VASH2: variants seen among roughly 807,000 people sequenced by gnomAD.
VASH2 encodes the protein tubulinyl-Tyr carboxypeptidase 2.
VASH2 carries 28 observed loss-of-function variants against 37.2 expected under a neutral mutation model. That is an observed-to-expected ratio of 0.75 (90% CI 0.56 to 1.03). The LOEUF (loss-of-function observed/expected upper bound fraction) is 1.03, where lower values mean the gene tolerates loss of function less well. VASH2 is among the 50% of genes least tolerant of loss of function. The pLI, the probability that VASH2 is intolerant of heterozygous loss-of-function variation, is 0.00. For missense variants in VASH2, 419 were observed against 459.1 expected (o/e 0.91, Z 0.80); for synonymous variants, 188 against 174.7 (o/e 1.08, Z -0.60).
chr1:212,977,014 C>T lies in VASH2; in HGVS notation c.995+2944C>T, dbSNP rs74386315. Among the ~76,000 whole-genome samples, 1,180 of 151,168 alleles carry T rather than the reference C, an allele frequency of 7.8e-3. 35 individuals are homozygous for T. Among genetic ancestry groups the T allele is most frequent in the East Asian group, 0.057 (291 of 5,118 alleles). ...CTTTTCAAAAACGATGAGAAGTGGCCGCAACAAGGTGAGGAGGGGTGGGTT... is the reference window on the plus strand; with the variant it reads ...CTTTTCAAAAACGATGAGAAGTGGCTGCAACAAGGTGAGGAGGGGTGGGTT... On this transcript the variant is annotated intron_variant, in intron 7 of 7. Coordinates refer to ENST00000517399, the MANE Select transcript of VASH2 (RefSeq NM_001301056.2).
chr1:212,960,682 G>A (rs905617571), intron 2 of VASH2, among the ~76,000 whole-genome samples: 4 of 152,134 alleles, frequency 2.6e-5, no homozygotes, highest in Non-Finnish European at 5.9e-5. Flanking sequence ...GAGCCATGGC[G>A]CCCGGCATCC....
intron 7 of VASH2, among the ~76,000 whole-genome samples, chr1:212,986,662 T>C (rs181984422): frequency 4.6e-5 from 7 of 152,242 alleles, no homozygotes; most frequent in Admixed American, 4.6e-4. Context: ...TTTAAGGGAA[T>C]AGCTAATCTC....
chr1:212,962,587 T>TC (rs955827345), intron 3 of VASH2, among the ~76,000 whole-genome samples: 1 of 152,168 alleles, frequency 6.6e-6, no homozygotes, highest in African/African-American at 2.4e-5. Flanking sequence ...CACTAGCACC[T>TC]CCCCCACAGG....
intron 7 of VASH2, 118 bp downstream of exon 7, chr1:212,974,188 C>G (rs577655651): frequency 7.8e-7 from 1 of 1,281,608 alleles, no homozygotes; most frequent in African/African-American, 1.5e-5. Flanking sequence ...ACAGCAATCT[C>G]CAAGAGGACT....
intron 5 of VASH2, chr1:212,967,175 C>T: frequency 7.7e-7 from 1 of 1,304,350 alleles, no homozygotes; most frequent in South Asian, 1.2e-5. Context: ...TTTCACCAGA[C>T]TCCCGGCTCT....
intron 2 of VASH2, 115 bp from the exon 3 acceptor site, chr1:212,961,051 A>T: frequency 1.0e-6 from 1 of 973,796 alleles, no homozygotes; most frequent in Non-Finnish European, 1.6e-6. Context: ...CCATGCTGCC[A>T]TCGGCTCTCA....
intron 7 of VASH2, among the ~76,000 whole-genome samples, chr1:212,983,297 G>T (rs754831844): frequency 1.1e-4 from 16 of 152,182 alleles, no homozygotes; most frequent in Non-Finnish European, 2.2e-4. Flanking sequence ...ATAATGAACA[G>T]GAAATGTATT....
chr1:212,966,382 A>C lies in VASH2; in HGVS notation c.497+37A>C, dbSNP rs116102108. On this transcript the variant is annotated intron_variant, in intron 5 of 7. Transcript: ENST00000517399. ...GTTATGTATGCTTAGTTTACTCCAT[A>C]AATGGCGGCTTCACAATGGGGCTTG... 3.1e-3 allele frequency: 4,811 copies of C among 1,528,876 alleles called. 125 individuals carry two copies. In the African/African-American group the frequency reaches 0.054, roughly 17 times the overall value. 94.7% of individuals were successfully genotyped at this position (1,528,876 alleles called of 1,614,324 possible). A position where few individuals can be genotyped will look rare whatever the true frequency, so the allele number is the denominator to read the frequency against.
At chr1:212,986,605 T>C (rs569517837) in intron 7 of VASH2, among the ~76,000 whole-genome samples, 22 of 152,296 alleles carry the variant, frequency 1.4e-4, no homozygotes, top group Admixed American at 1.2e-3. Context: ...ATGGTCCTCA[T>C]AGTGTCATCT....
chr1:212,980,180 C>G (rs1259710705), intron 7 of VASH2, among the ~76,000 whole-genome samples: 1 of 152,248 alleles, frequency 6.6e-6, no homozygotes, highest in Non-Finnish European at 1.5e-5. Flanking sequence ...TCAGCGCTCT[C>G]CGAGGTCCTT....
At chr1:212,966,228 A>C in intron 4 of VASH2, 43 bp from the exon 5 acceptor site, 1 of 1,520,890 alleles carries the variant, frequency 6.6e-7, no homozygotes, top group South Asian at 1.2e-5. Context: ...CGAGTGTGTA[A>C]TTAAATAGGT....
In VASH2 at chr1:212,951,476, C is replaced by G; in HGVS notation, c.-67C>G. 1 of 1,051,820 alleles carries G rather than the reference C, an allele frequency of 9.5e-7. No homozygotes were observed. Among genetic ancestry groups the G allele is most frequent in the South Asian group, 4.5e-5 (1 of 22,166 alleles). 65.2% of individuals were successfully genotyped at this position (1,051,820 alleles called of 1,614,324 possible). A position where few individuals can be genotyped will look rare whatever the true frequency, so the allele number is the denominator to read the frequency against. On this transcript the variant is annotated 5_prime_UTR_variant, in exon 2 of 8. Transcript: ENST00000517399. The surrounding 1 kb of genome is among the most constrained non-coding windows in gnomAD (Gnocchi z 4.4). Reference sequence around the variant, plus strand: ...CTCGCCGCGCCCGCGCGCACACGCCCCCCGCCGCCGCCGCCGCTGCCGCCG... The same window carrying G: ...CTCGCCGCGCCCGCGCGCACACGCCGCCCGCCGCCGCCGCCGCTGCCGCCG...
intron 5 of VASH2, among the ~76,000 whole-genome samples, chr1:212,972,100 A>G (rs943141216): frequency 1.3e-5 from 2 of 152,012 alleles, no homozygotes; most frequent in African/African-American, 2.4e-5. Flanking sequence ...TTTCATTGCC[A>G]CCTCCTTCTG....
chr1:212,956,148 G>A (rs929859815), intron 2 of VASH2, among the ~76,000 whole-genome samples: 3 of 152,166 alleles, frequency 2.0e-5, no homozygotes, highest in East Asian at 3.8e-4. Flanking sequence ...TCTGCCACAC[G>A]GCAGTTCAGT....
At chr1:212,983,912 C>T (rs192464833) in intron 7 of VASH2, among the ~76,000 whole-genome samples, 1 of 152,286 alleles carries the variant, frequency 6.6e-6, no homozygotes, top group East Asian at 1.9e-4. Context: ...ACTCTGGCTC[C>T]AACACTTGCT....
chr1:212,952,537 G>A (rs1480897109), intron 2 of VASH2: 2 of 152,348 alleles, frequency 1.3e-5, no homozygotes, highest in Non-Finnish European at 1.5e-5. Flanking sequence ...AGGATGAGGA[G>A]TGAAACTCTC....
chr1:212,978,709 T>C (rs1183593650), intron 7 of VASH2, among the ~76,000 whole-genome samples: 4 of 152,268 alleles, frequency 2.6e-5, no homozygotes, highest in East Asian at 1.9e-4. Context: ...CGGTTTTTTT[T>C]CCCCACAACT....
At chr1:212,977,261 C>G (rs1358390655) in intron 7 of VASH2, among the ~76,000 whole-genome samples, 1 of 152,120 alleles carries the variant, frequency 6.6e-6, no homozygotes, top group South Asian at 2.1e-4. Context: ...TGCCATGAAC[C>G]AGCTTGCGGC....
chr1:212,951,819 G>A lies in VASH2; in HGVS notation c.276+1G>A. 1 of 1,601,330 alleles carries A rather than the reference G, an allele frequency of 6.2e-7. No homozygotes were observed. Among genetic ancestry groups the A allele is most frequent in the South Asian group, 1.1e-5 (1 of 88,750 alleles). On this transcript the variant is annotated splice_donor_variant, in intron 2 of 7. Transcript: ENST00000517399. LOFTEE classifies it high-confidence loss of function. This position sits in a 1 kb window ranked among gnomAD's most constrained non-coding sequence, Gnocchi z 4.4. ...CAGGAACGCCGCCTTCTTGGCAAAG[G>A]TCAGTGGCTTCCAGGGCGGAGTTGG...
Sources: allele counts gnomAD v4.1 joint callset (sites outside exome capture counted in the v4.1 genomes callset), GRCh38; gene constraint gnomAD v4.1.1; non-coding constraint Gnocchi (gnomAD v3.1); transcripts MANE v1.5; gene names NCBI Gene and HGNC (gene_info 2026-07-23, HGNC 2026-07-21).